Variants in PRIM2 observed in about 807,000 individuals in gnomAD.
PRIM2 encodes the protein DNA primase subunit 2.
PRIM2 carries 39 observed loss-of-function variants against 67.3 expected under a neutral mutation model. That is an observed-to-expected ratio of 0.58 (90% confidence interval 0.45 to 0.76). The LOEUF (loss-of-function observed/expected upper bound fraction) is 0.76, where lower values mean the gene tolerates loss of function less well. Ranked by LOEUF, PRIM2 falls within the 30% of genes least tolerant of loss-of-function variation. The pLI is 0.00. For missense variants in PRIM2, 398 were observed against 598.7 expected, an observed-to-expected ratio of 0.66 and a Z score of 3.50; for synonymous variants, 143 against 198.7, an observed-to-expected ratio of 0.72 and a Z score of 2.36.
intron 5 of PRIM2, among the ~76,000 whole-genome samples, chr6:57,379,392 A>AT (rs1297478952): frequency 2.0e-5 from 3 of 149,602 alleles, no homozygotes; most frequent in African/African-American, 7.4e-5. Flanking sequence ...AGATCTATCA[A>AT]TTTTTTATAA....
the PRIM2 span, among the ~76,000 whole-genome samples, chr6:57,244,218 C>G: frequency 2.0e-5 from 3 of 152,130 alleles, no homozygotes; most frequent in East Asian, 5.8e-4. Flanking sequence ...AAGTTTGAAT[C>G]CTTTATTTGC....
chr6:57,514,846 A>G (rs1232311934), intron 8 of PRIM2, among the ~76,000 whole-genome samples: 1 of 152,148 alleles, frequency 6.6e-6, no homozygotes, highest in East Asian at 1.9e-4. Flanking sequence ...ACCAAAATTT[A>G]TAAACAGTAC....
the PRIM2 span, among the ~76,000 whole-genome samples, chr6:57,230,004 A>G: frequency 5.9e-5 from 9 of 152,040 alleles, no homozygotes; most frequent in Non-Finnish European, 1.3e-4. Flanking sequence ...TCTGCTTTTG[A>G]TATTTGCTTT....
chr6:57,528,989 T>C (rs1457535297), intron 8 of PRIM2, among the ~76,000 whole-genome samples: 1 of 152,332 alleles, frequency 6.6e-6, no homozygotes, highest in Admixed American at 6.5e-5. Flanking sequence ...TTAAGTGACT[T>C]GTCCCAGTTT....
chr6:57,346,465 G>A (rs1422314552), intron 5 of PRIM2, among the ~76,000 whole-genome samples: 2 of 151,840 alleles, frequency 1.3e-5, no homozygotes, highest in African/African-American at 2.4e-5. Context: ...GATTACAGTC[G>A]CCCACCACCA....
chr6:57,312,147 A>G (rs1258009001), upstream of PRIM2, among the ~76,000 whole-genome samples: 2 of 152,010 alleles, frequency 1.3e-5, no homozygotes, highest in Non-Finnish European at 2.9e-5. Context: ...TAATTTTATC[A>G]TCTCGCAATT....
the PRIM2 span, among the ~76,000 whole-genome samples, chr6:57,259,035 A>G: frequency 1.3e-5 from 2 of 152,220 alleles, no homozygotes; most frequent in African/African-American, 2.4e-5. Flanking sequence ...CCCATGTACC[A>G]TGGCAAACAC....
At chr6:57,556,481 G>A in intron 10 of PRIM2, among the ~76,000 whole-genome samples, 1 of 152,094 alleles carries the variant, frequency 6.6e-6, no homozygotes, top group East Asian at 1.9e-4. Flanking sequence ...CAGAAATAAG[G>A]CTGCACACCT....
At position 57,614,919 on chromosome 6, in the gene PRIM2, C is replaced by T. The variant is rs1392056440; in HGVS notation, c.1230+8462C>T. ...CTCAATACTTTCATTAATTTCTTTT[C>T]AAAATTGGCAGTGAGTTAAAAAATC... On this transcript the variant is annotated intron_variant, in intron 12 of 13. Transcript: ENST00000615550. Among the ~76,000 whole-genome samples the T allele has an allele frequency of 4.6e-5, 7 of 152,072 alleles. No individual in the cohort carries two copies. The East Asian group carries it at 1.4e-3, about 29-fold the overall frequency.
At chr6:57,399,632 G>T (rs1325795706) in intron 7 of PRIM2, among the ~76,000 whole-genome samples, 2 of 152,164 alleles carry the variant, frequency 1.3e-5, no homozygotes, top group African/African-American at 4.8e-5. Context: ...TTTCACAATG[G>T]TTGAACTAGT....
At chr6:57,550,710 C>T (rs1410415932) in intron 10 of PRIM2, among the ~76,000 whole-genome samples, 2 of 151,890 alleles carry the variant, frequency 1.3e-5, no homozygotes, top group African/African-American at 4.8e-5. Flanking sequence ...ACATTTTATT[C>T]AACATTTTAA....
At chr6:57,438,150 T>G (rs1772075279) in intron 7 of PRIM2, among the ~76,000 whole-genome samples, 1 of 152,226 alleles carries the variant, frequency 6.6e-6, no homozygotes, top group Admixed American at 6.5e-5. Context: ...CCATTAGATA[T>G]TTTTCTCAAA....
Position 57,607,429 on chromosome 6 carries a change from T to C in PRIM2, c.1230+972T>C, listed in dbSNP as rs1313886255. On this transcript the variant is annotated intron_variant, in intron 12 of 13. Transcript: ENST00000615550. ...TACACATAGACTGTCTTGGGTCTTC[T>C]GATGAGGGAAAGACTATAACCAGCT... is the stretch of plus-strand genomic sequence containing the variant. Among the ~76,000 whole-genome samples, 232 of 151,978 alleles carry C rather than the reference T, an allele frequency of 1.5e-3. 1 individual carries two copies. Among genetic ancestry groups the C allele is most frequent in the Admixed American group, 0.014 (208 of 15,252 alleles).
intron 10 of PRIM2, among the ~76,000 whole-genome samples, chr6:57,545,760 T>C (rs1775277037): frequency 6.6e-6 from 1 of 152,152 alleles, no homozygotes; most frequent in Admixed American, 6.5e-5. Flanking sequence ...CACGAGAGTC[T>C]TCCAAGAGAT....
At chr6:57,251,020 A>G in the PRIM2 span, among the ~76,000 whole-genome samples, 5 of 152,202 alleles carry the variant, frequency 3.3e-5, no homozygotes, top group African/African-American at 1.2e-4. Context: ...AAGCATTTCA[A>G]ATGAAGGATA....
chr6:57,497,880 A>C (rs1192680754), intron 7 of PRIM2, among the ~76,000 whole-genome samples: 1 of 152,186 alleles, frequency 6.6e-6, no homozygotes, highest in East Asian at 1.9e-4. Context: ...AAGGGAGAAC[A>C]TGAAACTAGA....
chr6:57,617,930 A>G (rs1776783925), intron 12 of PRIM2, among the ~76,000 whole-genome samples: 4 of 152,206 alleles, frequency 2.6e-5, no homozygotes, highest in African/African-American at 9.7e-5. Flanking sequence ...GGTATGATGT[A>G]GGGGTTTATC....
At chr6:57,439,404 GTTTTTTTTTTT>G (rs149436085) in intron 7 of PRIM2, among the ~76,000 whole-genome samples, 10 of 57,066 alleles carry the variant, frequency 1.8e-4, no homozygotes, top group South Asian at 1.2e-3. Flanking sequence ...GAGGTACTCT[GTTTTTTTTTTT>G]TTTTTTTTTT....
intron 5 of PRIM2, among the ~76,000 whole-genome samples, chr6:57,358,736 A>T (rs1769108162): frequency 6.6e-6 from 1 of 152,144 alleles, no homozygotes; most frequent in South Asian, 2.1e-4. Flanking sequence ...AAAATTAATT[A>T]TTTTCACTAT....
Sources: gnomAD v4.1 joint callset for allele counts (sites outside exome capture counted in the v4.1 genomes callset) on GRCh38, gnomAD v4.1.1 for gene constraint, MANE v1.5 for transcripts, NCBI Gene and HGNC (gene_info 2026-07-23, HGNC 2026-07-21) for gene names.